Variants in MTCH2 observed in about 807,000 individuals in gnomAD.
MTCH2 encodes mitochondrial carrier 2.
MTCH2 carries 25 observed loss-of-function variants against 50.6 expected under a neutral mutation model. That is an observed-to-expected ratio of 0.49 (90% CI 0.36 to 0.69). The LOEUF (loss-of-function observed/expected upper bound fraction) is 0.69, where lower values mean the gene tolerates loss of function less well. MTCH2 is among the 30% of genes least tolerant of loss of function. The probability of loss-of-function intolerance (pLI) is 0.00; values close to 1 mark genes in which losing one functional copy is unlikely to be tolerated. For missense variants in MTCH2, 273 were observed against 384.4 expected (o/e 0.71, Z 2.42); for synonymous variants, 106 against 132.0 (o/e 0.80, Z 1.35).
At chr11:47,609,184 G>A in the MTCH2 span, among the ~76,000 whole-genome samples, 5 of 150,796 alleles carry the variant, frequency 3.3e-5, no homozygotes, top group Non-Finnish European at 5.9e-5. Flanking sequence ...CCCGGGCGCG[G>A]TGGCTCACGC....
chr11:47,629,259 T>C, intron 8 of MTCH2: 1 of 520,202 alleles, frequency 1.9e-6, no homozygotes, highest in Non-Finnish European at 3.5e-6. Flanking sequence ...TTTGTTCCTA[T>C]GTTTAAAATG....
chr11:47,635,136 T>G (rs1229916648), intron 4 of MTCH2, among the ~76,000 whole-genome samples: 1 of 151,896 alleles, frequency 6.6e-6, no homozygotes, highest in Non-Finnish European at 1.5e-5. Flanking sequence ...CGGAGTGCAG[T>G]GATGTGATCA....
At chr11:47,641,461 G>C (rs1197206536) in intron 1 of MTCH2, among the ~76,000 whole-genome samples, 1 of 152,158 alleles carries the variant, frequency 6.6e-6, no homozygotes, top group Non-Finnish European at 1.5e-5. Context: ...TAGACGGCGA[G>C]ACAGGGGTTC....
intron 9 of MTCH2, 56 bp downstream of exon 9, chr11:47,628,897 A>G: frequency 6.6e-7 from 1 of 1,506,298 alleles, no homozygotes; most frequent in Non-Finnish European, 9.2e-7. Context: ...TTAAAAGCTA[A>G]TCTAGCTGCC....
chr11:47,612,813 C>CA (rs1344917611), downstream of MTCH2, among the ~76,000 whole-genome samples: 2 of 151,636 alleles, frequency 1.3e-5, no homozygotes, highest in Non-Finnish European at 2.9e-5. Flanking sequence ...GGGCAAAAAT[C>CA]AGAGTGCAAG....
downstream of MTCH2, among the ~76,000 whole-genome samples, chr11:47,612,352 G>A (rs1372877622): frequency 6.6e-6 from 1 of 152,112 alleles, no homozygotes; most frequent in Non-Finnish European, 1.5e-5. Context: ...CGGATCATGA[G>A]GTCAGGAGAT....
chr11:47,632,678 A>G (rs1458687649), intron 5 of MTCH2, among the ~76,000 whole-genome samples: 2 of 150,622 alleles, frequency 1.3e-5, no homozygotes, highest in African/African-American at 2.4e-5. Flanking sequence ...TTTAAACAGT[A>G]TCTTTATGGT....
chr11:47,613,868 G>A (rs1279267971), downstream of MTCH2, among the ~76,000 whole-genome samples: 1 of 152,138 alleles, frequency 6.6e-6, no homozygotes, highest in Non-Finnish European at 1.5e-5. Flanking sequence ...CAGATCATTT[G>A]AGGTCAGGAG....
intron 12 of MTCH2, among the ~76,000 whole-genome samples, chr11:47,622,379 AAGGCCATCATTTT>A (rs2097294090): frequency 6.6e-6 from 1 of 152,188 alleles, no homozygotes; most frequent in Non-Finnish European, 1.5e-5. Flanking sequence ...GTCTAAAATC[AAGGCCATCATTTT>A]ACCAGGATAA....
intron 11 of MTCH2, 137 bp from the exon 12 acceptor site, chr11:47,622,913 T>C: frequency 5.6e-6 from 3 of 533,734 alleles, no homozygotes; most frequent in Middle Eastern, 2.9e-4. Context: ...ACAAATCATA[T>C]TGAAGCAGGG....
At chr11:47,636,558 C>T (rs2097308767) in intron 3 of MTCH2, among the ~76,000 whole-genome samples, 1 of 149,586 alleles carries the variant, frequency 6.7e-6, no homozygotes, top group South Asian at 2.1e-4. Flanking sequence ...ATGGCGAAAC[C>T]CCCTCTCTAC....
intron 1 of MTCH2, among the ~76,000 whole-genome samples, chr11:47,642,079 C>T (rs2097314713): frequency 6.6e-6 from 1 of 152,124 alleles, no homozygotes; most frequent in Admixed American, 6.5e-5. Context: ...GGCCAGGATC[C>T]ACCTCAGTGA....
chr11:47,633,603 C>T (rs2097305715), intron 5 of MTCH2, among the ~76,000 whole-genome samples: 1 of 138,048 alleles, frequency 7.2e-6, no homozygotes, highest in South Asian at 2.3e-4. Context: ...ATGGTGCAAT[C>T]TTGGCTCATT....
At chr11:47,614,858 G>A (rs535782488), downstream of MTCH2, among the ~76,000 whole-genome samples, 3 of 152,140 alleles carry the variant, frequency 2.0e-5, no homozygotes, top group East Asian at 1.9e-4. Flanking sequence ...GATTACAGGC[G>A]TGAGCCACCG....
chr11:47,639,563 C>A (rs575896828), intron 1 of MTCH2, among the ~76,000 whole-genome samples: 74 of 152,288 alleles, frequency 4.9e-4, no homozygotes, highest in African/African-American at 1.8e-3. Flanking sequence ...GTCGGTCGGG[C>A]GCAGTGGCTC....
chr11:47,627,144 G>A lies in MTCH2; in HGVS notation c.634-17C>T. On this transcript the variant is annotated splice_polypyrimidine_tract_variant and intron_variant, in intron 9 of 12. Coordinates refer to ENST00000302503, the MANE Select transcript of MTCH2 (RefSeq NM_014342.4). ...GGTAGAAACCTAAAATAGGAAAAGA[G>A]CCTTAAATTAATTACCTACAACACT... The A allele has an allele frequency of 6.4e-7, 1 of 1,558,290 alleles. No individual in the cohort carries two copies. The highest frequency in any genetic ancestry group is 1.1e-5 in the South Asian group (1 of 87,474).
intron 4 of MTCH2, among the ~76,000 whole-genome samples, 177 bp downstream of exon 4, chr11:47,635,368 C>T (rs778297779): frequency 1.3e-5 from 2 of 152,178 alleles, no homozygotes; most frequent in Non-Finnish European, 2.9e-5. Context: ...AGCCACCATG[C>T]CCAGCCATCC....
At chr11:47,633,526 A>ATATATATATATATATATTT (rs1378774715) in intron 5 of MTCH2, among the ~76,000 whole-genome samples, 1 of 35,078 alleles carries the variant, frequency 2.9e-5, no homozygotes, top group African/African-American at 8.3e-5. Flanking sequence ...ATATATATAT[A>ATATATATATATATATATTT]TTTTTTTTTT....
the MTCH2 span, among the ~76,000 whole-genome samples, chr11:47,606,051 CCT>C: frequency 6.6e-6 from 1 of 152,214 alleles, no homozygotes; most frequent in South Asian, 2.1e-4. Flanking sequence ...GACTGTGGCC[CCT>C]GTCCTTTTCG....
Sources: allele counts gnomAD v4.1 joint callset (sites outside exome capture counted in the v4.1 genomes callset), GRCh38; gene constraint gnomAD v4.1.1; transcripts MANE v1.5; gene names NCBI Gene and HGNC (gene_info 2026-07-23, HGNC 2026-07-21).